The following KHDRBS2 variants were observed in gnomAD, a reference collection of about 807,000 sequenced individuals.
KHDRBS2 encodes the protein KH RNA binding domain containing, signal transduction associated 2, also known as KH domain-containing, RNA-binding, signal transduction-associated protein 2.
In KHDRBS2, 26 loss-of-function variants were observed where a neutral mutation model predicts 44.3. The observed-to-expected ratio is 0.59, with a 90% CI of 0.43 to 0.81. The LOEUF is 0.81. KHDRBS2 is among the 40% of genes least tolerant of loss of function. The pLI is 0.00. For missense variants in KHDRBS2, 476 were observed against 433.1 expected (o/e 1.10, Z -0.88); for synonymous variants, 194 against 151.1 (o/e 1.28, Z -2.08).
At chr6:61,602,554 T>C in the KHDRBS2 span, among the ~76,000 whole-genome samples, 1 of 152,154 alleles carries the variant, frequency 6.6e-6, no homozygotes, top group Non-Finnish European at 1.5e-5. Context: ...TCCCAGATCT[T>C]CTCAGTTTAG....
At chr6:61,718,668 G>A (rs75835289) in intron 7 of KHDRBS2, among the ~76,000 whole-genome samples, 6,239 of 152,162 alleles carry the variant, frequency 0.041, 148 homozygotes, top group East Asian at 0.085. Flanking sequence ...ACTTCCTCCT[G>A]TAGGATGGCC....
intron 2 of KHDRBS2, among the ~76,000 whole-genome samples, chr6:62,176,850 G>C (rs992742331): frequency 2.0e-5 from 3 of 151,166 alleles, no homozygotes; most frequent in African/African-American, 7.3e-5. Flanking sequence ...CCGTTTTATA[G>C]TAAGGATATA....
the KHDRBS2 span, among the ~76,000 whole-genome samples, chr6:61,674,232 C>G: frequency 6.8e-6 from 1 of 146,732 alleles, no homozygotes; most frequent in Non-Finnish European, 1.5e-5. Flanking sequence ...AGTAAAATGA[C>G]TGACTTCAAG....
chr6:61,644,500 A>G, the KHDRBS2 span, among the ~76,000 whole-genome samples: 1 of 152,198 alleles, frequency 6.6e-6, no homozygotes, highest in Non-Finnish European at 1.5e-5. Flanking sequence ...AAAAGAAACT[A>G]TCAACAGAGT....
At chr6:62,178,891 GTGA>G (rs1395027023) in intron 1 of KHDRBS2, among the ~76,000 whole-genome samples, 1 of 151,490 alleles carries the variant, frequency 6.6e-6, no homozygotes, top group Non-Finnish European at 1.5e-5. Context: ...TAGAGAAAAG[GTGA>G]TGATAGTTAT....
chr6:62,009,935 G>T (rs1779989039), intron 3 of KHDRBS2, among the ~76,000 whole-genome samples: 2 of 152,196 alleles, frequency 1.3e-5, no homozygotes, highest in Admixed American at 1.3e-4. Context: ...GAAGCGTGGG[G>T]TTGGAGCCCC....
At chr6:62,221,928 A>G (rs75932331) in intron 1 of KHDRBS2, among the ~76,000 whole-genome samples, 2,075 of 152,302 alleles carry the variant, frequency 0.014, 31 homozygotes, top group Non-Finnish European at 0.016. Context: ...ACTAAAAAAC[A>G]TACCAATAAT....
At chr6:61,944,633 C>A (rs1330605373) in intron 4 of KHDRBS2, among the ~76,000 whole-genome samples, 1 of 151,888 alleles carries the variant, frequency 6.6e-6, no homozygotes, top group Non-Finnish European at 1.5e-5. Context: ...TAACATATTA[C>A]AAAATAGCTA....
At chr6:61,946,789 A>T (rs532759550) in intron 4 of KHDRBS2, among the ~76,000 whole-genome samples, 2 of 152,264 alleles carry the variant, frequency 1.3e-5, no homozygotes, top group South Asian at 4.1e-4. Context: ...AAGGATGTTG[A>T]TCTGAAGCAA....
At chr6:62,189,980 T>G (rs1824254565) in intron 1 of KHDRBS2, among the ~76,000 whole-genome samples, 1 of 152,080 alleles carries the variant, frequency 6.6e-6, no homozygotes, top group Admixed American at 6.6e-5. Flanking sequence ...TTTGTGTCAT[T>G]AGCATATGAT....
At chr6:62,015,582 A>G (rs1475235908) in intron 3 of KHDRBS2, among the ~76,000 whole-genome samples, 2 of 152,084 alleles carry the variant, frequency 1.3e-5, no homozygotes, top group South Asian at 2.1e-4. Context: ...CACACTGACA[A>G]TTTCCAGAGC....
intron 3 of KHDRBS2, among the ~76,000 whole-genome samples, chr6:62,027,635 C>A (rs1416478271): frequency 2.0e-5 from 3 of 151,928 alleles, no homozygotes; most frequent in South Asian, 2.1e-4. Context: ...GTGGGAGGGG[C>A]AAGGGTTTAA....
chr6:61,811,774 C>G (rs1230460248), intron 6 of KHDRBS2, among the ~76,000 whole-genome samples: 1 of 151,960 alleles, frequency 6.6e-6, no homozygotes, highest in East Asian at 1.9e-4. Flanking sequence ...TTGGCTTTTA[C>G]ATATTACCAA....
At chr6:61,938,648 A>G (rs2068820849) in intron 4 of KHDRBS2, among the ~76,000 whole-genome samples, 1 of 152,216 alleles carries the variant, frequency 6.6e-6, no homozygotes, top group Admixed American at 6.5e-5. Context: ...TAAAAGGATG[A>G]AGGCTCAGAC....
At chr6:61,633,199 T>A in the KHDRBS2 span, among the ~76,000 whole-genome samples, 2 of 152,040 alleles carry the variant, frequency 1.3e-5, no homozygotes, top group African/African-American at 4.8e-5. Flanking sequence ...CAAACTTACT[T>A]GTTTAGAGAA....
the KHDRBS2 span, among the ~76,000 whole-genome samples, chr6:61,648,384 T>A: frequency 6.6e-6 from 1 of 152,178 alleles, no homozygotes; most frequent in Non-Finnish European, 1.5e-5. Flanking sequence ...ACCATCATCA[T>A]GAAAATGAAA....
At chr6:62,013,762 A>G (rs1416797735) in intron 3 of KHDRBS2, among the ~76,000 whole-genome samples, 1 of 152,176 alleles carries the variant, frequency 6.6e-6, no homozygotes, top group East Asian at 1.9e-4. Flanking sequence ...GCGTTGCCTC[A>G]CACCAGACAC....
chr6:61,971,634 C>T (rs1243548244), intron 4 of KHDRBS2, among the ~76,000 whole-genome samples: 5 of 152,094 alleles, frequency 3.3e-5, no homozygotes, highest in African/African-American at 1.2e-4. Context: ...CTCTTTCTCT[C>T]TCTCTTCCTC....
At chr6:61,834,422 A>G (rs1792327000) in intron 6 of KHDRBS2, among the ~76,000 whole-genome samples, 1 of 152,130 alleles carries the variant, frequency 6.6e-6, no homozygotes, top group African/African-American at 2.4e-5. Flanking sequence ...GCATTGTAAA[A>G]CTAATTAACA....
Sources: allele counts gnomAD v4.1 joint callset (sites outside exome capture counted in the v4.1 genomes callset), GRCh38; gene constraint gnomAD v4.1.1; transcripts MANE v1.5; gene names NCBI Gene and HGNC (gene_info 2026-07-23, HGNC 2026-07-21).